The following TENM4 variants were observed in gnomAD, a reference collection of about 807,000 sequenced individuals.
TENM4 encodes the protein teneurin-4.
TENM4 carries 82 observed loss-of-function variants against 243.3 expected under a neutral mutation model. The observed-to-expected ratio is 0.34, with a 90% CI of 0.28 to 0.40. TENM4 has a LOEUF of 0.40. TENM4 is among the 10% of genes least tolerant of loss of function. The probability of loss-of-function intolerance (pLI) is 1.00; values close to 1 mark genes in which losing one functional copy is unlikely to be tolerated. For synonymous variants in TENM4, 1,412 were observed against 1,456.3 expected (o/e 0.97, Z 0.69); for missense variants, 3,138 against 3,673.3 (o/e 0.85, Z 3.77).
intron 6 of TENM4, among the ~76,000 whole-genome samples, chr11:78,955,710 G>A (rs1003856967): frequency 2.6e-5 from 4 of 152,190 alleles, no homozygotes; most frequent in East Asian, 1.9e-4. Context: ...AATTCAAAAC[G>A]TGACCTGTTT....
intron 1 of TENM4, among the ~76,000 whole-genome samples, chr11:79,417,120 AC>A (rs1404313835): frequency 6.6e-6 from 1 of 152,228 alleles, no homozygotes; most frequent in East Asian, 1.9e-4. Context: ...AATGTTTAGC[AC>A]ATTTATGTTG....
intron 4 of TENM4, among the ~76,000 whole-genome samples, chr11:79,132,698 A>G (rs1271367484): frequency 6.6e-6 from 1 of 152,204 alleles, no homozygotes; most frequent in Admixed American, 6.5e-5. Flanking sequence ...AGGAAACTTT[A>G]AAACCATGAA....
chr11:79,087,600 G>C (rs143757966), intron 4 of TENM4, among the ~76,000 whole-genome samples: 1 of 152,156 alleles, frequency 6.6e-6, no homozygotes, highest in Admixed American at 6.6e-5. Context: ...ATCTGTCCTC[G>C]GCCCTGGGCC....
At chr11:79,099,185 C>G (rs1288658718) in intron 4 of TENM4, among the ~76,000 whole-genome samples, 2 of 152,120 alleles carry the variant, frequency 1.3e-5, no homozygotes, top group Admixed American at 1.3e-4. Context: ...CTCTGGTTTG[C>G]CTTGGGCACC....
intron 1 of TENM4, among the ~76,000 whole-genome samples, chr11:79,302,496 T>C (rs1856565041): frequency 6.6e-6 from 1 of 152,374 alleles, no homozygotes; most frequent in South Asian, 2.1e-4. Context: ...TAATATAGTA[T>C]ACCAAATTAT....
Position 79,162,975 on chromosome 11 carries a change from G to A in TENM4, c.-162-14169C>T, listed in dbSNP as rs551850801. On this transcript the variant is annotated intron_variant, in intron 3 of 33. Coordinates refer to ENST00000278550, the MANE Select transcript of TENM4 (RefSeq NM_001098816.3). Reference sequence around the variant, plus strand: ...AGCTATTTCTGCAGGCCCAAGGTGCGCTGCAGGGAAAGCAGGTTGCACATA... The same window carrying A: ...AGCTATTTCTGCAGGCCCAAGGTGCACTGCAGGGAAAGCAGGTTGCACATA... Among the ~76,000 whole-genome samples, 14 of 152,318 alleles carry A rather than the reference G, an allele frequency of 9.2e-5. No individual in the cohort carries two copies. In the South Asian group the frequency reaches 2.5e-3, roughly 27 times the overall value.
At chr11:78,874,504 T>G (rs1211822968) in intron 9 of TENM4, among the ~76,000 whole-genome samples, 2 of 152,164 alleles carry the variant, frequency 1.3e-5, no homozygotes, top group Non-Finnish European at 2.9e-5. Flanking sequence ...AACAATTAGG[T>G]GTATGCATAG....
chr11:78,700,738 G>A (rs599732), intron 28 of TENM4, among the ~76,000 whole-genome samples: 6,515 of 152,214 alleles, frequency 0.043, 298 homozygotes, highest in African/African-American at 0.12. Context: ...GCTACTTGAG[G>A]TGGGCACTAG....
In TENM4 at chr11:78,844,598, C is replaced by T. The variant is rs921442812; in HGVS notation, c.1681+9506G>A. Among the ~76,000 whole-genome samples the T allele has an allele frequency of 2.0e-5, 3 of 151,502 alleles. No individual in the cohort carries two copies. In the South Asian group the frequency reaches 6.3e-4, roughly 32 times the overall value. ...TGGAGTTTGCAGTGAACCAAGATTG[C>T]GCCAATGCACTCCAGCCTGGCAACA... On this transcript the variant is annotated intron_variant, in intron 12 of 33. Transcript: ENST00000278550.
chr11:79,394,012 T>C (rs1445540632), intron 1 of TENM4, among the ~76,000 whole-genome samples: 2 of 152,090 alleles, frequency 1.3e-5, no homozygotes, highest in Admixed American at 1.3e-4. Flanking sequence ...AGGCTTGTTC[T>C]CTGAAAGGAA....
chr11:79,298,055 G>A (rs753319480), intron 1 of TENM4, among the ~76,000 whole-genome samples: 4 of 151,980 alleles, frequency 2.6e-5, no homozygotes, highest in Non-Finnish European at 4.4e-5. Flanking sequence ...GTGTTAGGCC[G>A]TGACAGTTGA....
chr11:79,082,563 AG>A (rs11340501), intron 4 of TENM4, among the ~76,000 whole-genome samples: 45,970 of 151,980 alleles, frequency 0.3, 7,854 homozygotes, highest in Non-Finnish European at 0.38. Flanking sequence ...CTGATACCCC[AG>A]AAAAATGCAC....
intron 4 of TENM4, among the ~76,000 whole-genome samples, chr11:79,114,655 C>G (rs1861581197): frequency 6.6e-6 from 1 of 152,192 alleles, no homozygotes; most frequent in Admixed American, 6.5e-5. Flanking sequence ...CCATGACTGT[C>G]TTGAAATTCT....
chr11:78,988,544 T>A (rs1293220928), intron 6 of TENM4, among the ~76,000 whole-genome samples: 3 of 152,186 alleles, frequency 2.0e-5, no homozygotes, highest in Non-Finnish European at 4.4e-5. Context: ...CTTAAAGAAG[T>A]CACACATACA....
intron 12 of TENM4, among the ~76,000 whole-genome samples, chr11:78,844,199 T>C (rs2136180922): frequency 1.3e-5 from 2 of 152,346 alleles, no homozygotes; most frequent in South Asian, 4.1e-4. Flanking sequence ...AATTCCTCCT[T>C]GTTATTAACT....
intron 4 of TENM4, among the ~76,000 whole-genome samples, chr11:79,081,568 C>G (rs1452383248): frequency 1.2e-5 from 1 of 80,868 alleles, no homozygotes; most frequent in Admixed American, 1.1e-4. Context: ...TGTGCATGCA[C>G]ACATGCTTAA....
At chr11:79,299,364 C>T (rs1856514282) in intron 1 of TENM4, among the ~76,000 whole-genome samples, 1 of 152,190 alleles carries the variant, frequency 6.6e-6, no homozygotes, top group Non-Finnish European at 1.5e-5. Flanking sequence ...CTCTGCTTGC[C>T]TGCTTCTAAC....
At chr11:79,405,849 A>T (rs75390591) in intron 1 of TENM4, among the ~76,000 whole-genome samples, 1 of 115,000 alleles carries the variant, frequency 8.7e-6, no homozygotes, top group African/African-American at 3.6e-5. Context: ...TGTGATTTCA[A>T]AAAAAAAAAA....
At chr11:78,935,522 C>T (rs76247803) in intron 6 of TENM4, among the ~76,000 whole-genome samples, 4 of 152,124 alleles carry the variant, frequency 2.6e-5, no homozygotes, top group South Asian at 2.1e-4. Context: ...CAAAGCTAAT[C>T]GGCCAAATGA....
Sources: gnomAD v4.1 joint callset for allele counts (sites outside exome capture counted in the v4.1 genomes callset) on GRCh38, gnomAD v4.1.1 for gene constraint, MANE v1.5 for transcripts, NCBI Gene and HGNC (gene_info 2026-07-23, HGNC 2026-07-21) for gene names.